Variants in MYH11 observed in about 807,000 individuals in gnomAD.
MYH11 encodes myosin heavy chain 11, also known as myosin-11.
MYH11 carries 80 observed loss-of-function variants against 246.6 expected under a neutral mutation model. The observed-to-expected ratio is 0.32, with a 90% CI of 0.27 to 0.39. The LOEUF (loss-of-function observed/expected upper bound fraction) is 0.39. Among genes scored for constraint, MYH11 ranks in the 10% least tolerant of loss-of-function variants. MYH11 has a pLI of 1.00. For missense variants in MYH11, 2,158 were observed against 2,546.8 expected, an observed-to-expected ratio of 0.85 and a Z score of 3.29; for synonymous variants, 1,071 against 1,015.5, an observed-to-expected ratio of 1.05 and a Z score of -1.04.
chr16:15,834,139 C>T lies in MYH11; in HGVS notation c.345+3769G>A, dbSNP rs552303828. ...AATACACAGGCCTGTCCTGAAACTC[C>T]CTAGATGGTGATGATACGTCTTAGA... On this transcript the variant is annotated intron_variant, in intron 2 of 40. Coordinates refer to ENST00000300036, the MANE Select transcript of MYH11 (RefSeq NM_002474.3). Among the ~76,000 whole-genome samples, 98 of 152,050 alleles carry T rather than the reference C, an allele frequency of 6.4e-4. 1 individual carries two copies. Among genetic ancestry groups the T allele is most frequent in the Admixed American group, 1.7e-3 (26 of 15,250 alleles).
chr16:15,707,477 T>G (rs1004618664), intron 40 of MYH11, among the ~76,000 whole-genome samples: 1 of 152,170 alleles, frequency 6.6e-6, no homozygotes, highest in Non-Finnish European at 1.5e-5. Context: ...GCTTATCCTA[T>G]GATCCCAATC....
intron 1 of MYH11, among the ~76,000 whole-genome samples, chr16:15,847,480 C>G (rs1212801163): frequency 6.6e-6 from 1 of 152,126 alleles, no homozygotes; most frequent in East Asian, 1.9e-4. Context: ...TCTTGAACTC[C>G]TGACCTCAAG....
intron 38 of MYH11, among the ~76,000 whole-genome samples, chr16:15,716,829 T>C (rs1211181803): frequency 6.6e-6 from 1 of 152,172 alleles, no homozygotes; most frequent in Non-Finnish European, 1.5e-5. Flanking sequence ...GGATTTTTGA[T>C]CTGTCAGCAT....
chr16:15,793,412 C>T (rs1429245234), intron 4 of MYH11, among the ~76,000 whole-genome samples: 2 of 151,926 alleles, frequency 1.3e-5, no homozygotes, highest in Non-Finnish European at 2.9e-5. Flanking sequence ...CCCTCCCCAA[C>T]CTCCTGAGTA....
intron 4 of MYH11, among the ~76,000 whole-genome samples, chr16:15,790,329 AACAGACAGAC>A (rs1267983056): frequency 5.1e-4 from 71 of 140,208 alleles, no homozygotes; most frequent in African/African-American, 2.1e-3. Context: ...CAAACAAACA[AACAGACAGAC>A]AAAAAAAAAA....
intron 3 of MYH11, among the ~76,000 whole-genome samples, chr16:15,806,221 G>A (rs2043007847): frequency 7.2e-6 from 1 of 139,608 alleles, no homozygotes; most frequent in Non-Finnish European, 1.5e-5. Context: ...AGTTTGTGGT[G>A]AGCCGAGACC....
chr16:15,748,266 A>T, intron 16 of MYH11, 98 bp from the exon 17 acceptor site: 2 of 1,573,448 alleles, frequency 1.3e-6, no homozygotes, highest in Non-Finnish European at 1.7e-6. Context: ...TGGCCAGGCC[A>T]TGAGGGTACC....
At chr16:15,798,137 A>G (rs2042787501) in intron 4 of MYH11, among the ~76,000 whole-genome samples, 2 of 152,200 alleles carry the variant, frequency 1.3e-5, no homozygotes, top group South Asian at 2.1e-4. Context: ...TATAAATACA[A>G]TAGTGAAAAC....
intron 2 of MYH11, among the ~76,000 whole-genome samples, 167 bp from the exon 3 acceptor site, chr16:15,823,578 C>T (rs899405978): frequency 1.3e-5 from 2 of 152,014 alleles, no homozygotes; most frequent in Non-Finnish European, 2.9e-5. Flanking sequence ...GGAGAAAGGG[C>T]GAGAGTGGGT....
intron 1 of MYH11, among the ~76,000 whole-genome samples, chr16:15,853,719 T>C (rs575842302): frequency 6.6e-6 from 1 of 152,244 alleles, no homozygotes; most frequent in South Asian, 2.1e-4. Flanking sequence ...TCCCTTAAAG[T>C]ATGCCATCAA....
rs1332404075 is a variant in MYH11, at chr16:15,814,865, G to T, written c.502+8390C>A. Among the ~76,000 whole-genome samples, 6 of 152,206 alleles carry T rather than the reference G, an allele frequency of 3.9e-5. No individual in the cohort carries two copies. In the East Asian group the frequency reaches 1.2e-3, roughly 29 times the overall value. ...AGTCTCTGGTGAGGGTTAAACAGAG[G>T]GTCTCCGTCCTGGGGGGACACCAGG... On this transcript the variant is annotated intron_variant, in intron 3 of 40. Transcript: ENST00000300036.
At chr16:15,778,992 G>A (rs373754714) in intron 6 of MYH11, 149 bp from the exon 7 acceptor site, 4 of 779,286 alleles carry the variant, frequency 5.1e-6, no homozygotes, top group Middle Eastern at 2.3e-4. Flanking sequence ...AGGTCAAGTT[G>A]TCAGGCGGAA....
intron 40 of MYH11, among the ~76,000 whole-genome samples, chr16:15,705,347 C>G (rs1378710950): frequency 2.0e-5 from 3 of 152,162 alleles, no homozygotes; most frequent in Middle Eastern, 3.2e-3. Flanking sequence ...GCCATCTCCT[C>G]TCTGCGCTGG....
At chr16:15,707,764 G>C (rs1387803651) in intron 40 of MYH11, among the ~76,000 whole-genome samples, 1 of 152,144 alleles carries the variant, frequency 6.6e-6, no homozygotes. Context: ...CTGAAGTCAG[G>C]AGTTTGAGAC....
At chr16:15,788,871 A>G (rs2042544943) in intron 4 of MYH11, among the ~76,000 whole-genome samples, 1 of 151,858 alleles carries the variant, frequency 6.6e-6, no homozygotes, top group Non-Finnish European at 1.5e-5. Context: ...GGTGCAGCAG[A>G]GAACTGGCCA....
chr16:15,855,629 A>G (rs2044445220), intron 1 of MYH11, among the ~76,000 whole-genome samples: 1 of 152,242 alleles, frequency 6.6e-6, no homozygotes, highest in Non-Finnish European at 1.5e-5. Context: ...ATGTTGCAAC[A>G]GCATGTGGCA....
intron 37 of MYH11, chr16:15,718,014 G>A: frequency 6.1e-6 from 3 of 489,092 alleles, no homozygotes; most frequent in East Asian, 3.9e-5. Context: ...TTCAGCTAGG[G>A]GAAAACGCAA....
intron 40 of MYH11, among the ~76,000 whole-genome samples, chr16:15,710,783 G>C (rs1431170972): frequency 6.6e-6 from 1 of 151,994 alleles, no homozygotes; most frequent in Non-Finnish European, 1.5e-5. Context: ...TTGCAAAGGA[G>C]TGTCCTGTCT....
intron 10 of MYH11, among the ~76,000 whole-genome samples, chr16:15,762,065 C>T (rs2041879730): frequency 6.6e-6 from 1 of 152,238 alleles, no homozygotes; most frequent in African/African-American, 2.4e-5. Context: ...ATCTCCGCCT[C>T]CTGCGTTCAA....
Sources: gnomAD v4.1 joint callset for allele counts (sites outside exome capture counted in the v4.1 genomes callset) on GRCh38, gnomAD v4.1.1 for gene constraint, MANE v1.5 for transcripts, NCBI Gene and HGNC (gene_info 2026-07-23, HGNC 2026-07-21) for gene names.